GALNTL6: variants seen among roughly 807,000 people sequenced by gnomAD.
GALNTL6 encodes the protein polypeptide N-acetylgalactosaminyltransferase-like 6.
Under a neutral mutation model 73.7 loss-of-function variants are expected in GALNTL6, and 46 were observed. The observed-to-expected ratio is 0.62, with a 90% CI of 0.49 to 0.80. The LOEUF (loss-of-function observed/expected upper bound fraction) is 0.80. Ranked by LOEUF, GALNTL6 falls within the 30% of genes least tolerant of loss-of-function variation. The pLI, the probability that GALNTL6 is intolerant of heterozygous loss-of-function variation, is 0.00. For missense variants in GALNTL6, 604 were observed against 755.0 expected (o/e 0.80, Z 2.34); for synonymous variants, 259 against 263.7 (o/e 0.98, Z 0.17).
At chr4:172,877,532 T>C (rs1253964197) in intron 7 of GALNTL6, among the ~76,000 whole-genome samples, 2 of 152,050 alleles carry the variant, frequency 1.3e-5, no homozygotes, top group Non-Finnish European at 2.9e-5. Context: ...ATGGTTTTAG[T>C]ACACTTTACC....
intron 5 of GALNTL6, among the ~76,000 whole-genome samples, chr4:172,593,989 A>G (rs1737753990): frequency 6.6e-6 from 1 of 152,206 alleles, no homozygotes; most frequent in Non-Finnish European, 1.5e-5. Context: ...TATGCCACCA[A>G]ACAGTATATT....
chr4:172,228,604 C>T (rs1736948319), intron 2 of GALNTL6, among the ~76,000 whole-genome samples: 1 of 152,036 alleles, frequency 6.6e-6, no homozygotes, highest in South Asian at 2.1e-4. Flanking sequence ...AAAATTACCT[C>T]ACTGAAATTA....
chr4:171,817,102 C>T (rs562286843), intron 2 of GALNTL6, among the ~76,000 whole-genome samples: 3 of 152,098 alleles, frequency 2.0e-5, no homozygotes, highest in East Asian at 3.9e-4. Flanking sequence ...ACATTTACTA[C>T]TATACTTCTC....
At chr4:172,203,454 T>A (rs1040708057) in intron 2 of GALNTL6, among the ~76,000 whole-genome samples, 2 of 152,180 alleles carry the variant, frequency 1.3e-5, no homozygotes, top group Non-Finnish European at 2.9e-5. Context: ...TTTGAAAAAT[T>A]AAAATTAAAT....
intron 5 of GALNTL6, among the ~76,000 whole-genome samples, chr4:172,376,818 G>A (rs980849682): frequency 2.6e-4 from 39 of 152,124 alleles, no homozygotes; most frequent in African/African-American, 8.9e-4. Flanking sequence ...GAATGAAGCC[G>A]CAGACCCTCG....
chr4:171,903,926 T>G (rs1052091043), intron 2 of GALNTL6, among the ~76,000 whole-genome samples: 2 of 152,152 alleles, frequency 1.3e-5, no homozygotes, highest in African/African-American at 2.4e-5. Flanking sequence ...GACCTGCAGC[T>G]GAGGGTCCTC....
chr4:173,017,342 T>C (rs1752824107), intron 11 of GALNTL6, among the ~76,000 whole-genome samples: 1 of 152,234 alleles, frequency 6.6e-6, no homozygotes. Flanking sequence ...GAAGAAAATC[T>C]ACATTCTTCT....
chr4:172,406,758 T>A (rs960782976), intron 5 of GALNTL6, among the ~76,000 whole-genome samples: 36 of 152,060 alleles, frequency 2.4e-4, no homozygotes, highest in African/African-American at 8.7e-4. Flanking sequence ...CTTAAATTAT[T>A]GCTATAATAA....
chr4:172,239,413 T>C (rs1737344931), intron 3 of GALNTL6, among the ~76,000 whole-genome samples: 1 of 152,198 alleles, frequency 6.6e-6, no homozygotes, highest in Admixed American at 6.5e-5. Context: ...GAAGATTTTT[T>C]GTATTTCTGT....
At chr4:172,161,248 A>G (rs1233816209) in intron 2 of GALNTL6, among the ~76,000 whole-genome samples, 2 of 152,024 alleles carry the variant, frequency 1.3e-5, no homozygotes, top group Non-Finnish European at 2.9e-5. Context: ...ATTTTGCCAC[A>G]TTTGATTTAT....
chr4:172,267,377 C>T (rs1738484791), intron 3 of GALNTL6, among the ~76,000 whole-genome samples: 2 of 152,016 alleles, frequency 1.3e-5, no homozygotes, highest in African/African-American at 4.8e-5. Flanking sequence ...ACAAGACTGT[C>T]CAGAGTTTGT....
rs1731502369 is a variant in GALNTL6 at position 172,069,955 on chromosome 4, G to T, written c.139-159701G>T. Among the ~76,000 whole-genome samples, 2 of 107,968 alleles carry T rather than the reference G, an allele frequency of 1.9e-5. 1 individual carries two copies. Among genetic ancestry groups the T allele is most frequent in the Admixed American group, 2.0e-4 (2 of 10,084 alleles). 70.8% of individuals were successfully genotyped at this position (107,968 alleles called of 152,430 possible). The stretch of plus-strand genomic sequence containing the variant: ...CTTATGAAGAAAATCAGCTGGGTAA[G>T]AAGGTAATAGAAAAAGGGTGAACAG... On this transcript the variant is annotated intron_variant, in intron 2 of 12. Transcript: ENST00000506823.
chr4:171,934,708 A>C (rs1404819752), intron 2 of GALNTL6, among the ~76,000 whole-genome samples: 2 of 151,998 alleles, frequency 1.3e-5, no homozygotes, highest in Non-Finnish European at 2.9e-5. Context: ...GAGCCACTGC[A>C]CCCAGCCAAG....
intron 3 of GALNTL6, among the ~76,000 whole-genome samples, chr4:172,300,787 G>A (rs966484173): frequency 2.0e-5 from 3 of 152,012 alleles, no homozygotes; most frequent in African/African-American, 4.8e-5. Context: ...CTTTCTCTGT[G>A]GCTGCCCTTA....
chr4:172,336,684 A>G (rs1243450179), intron 4 of GALNTL6, among the ~76,000 whole-genome samples: 9 of 152,164 alleles, frequency 5.9e-5, no homozygotes, highest in Non-Finnish European at 1.3e-4. Flanking sequence ...GTCTTGGAAT[A>G]TGTTCTGCAT....
intron 7 of GALNTL6, among the ~76,000 whole-genome samples, chr4:172,835,968 A>C (rs1231874758): frequency 6.6e-6 from 1 of 152,192 alleles, no homozygotes; most frequent in Non-Finnish European, 1.5e-5. Flanking sequence ...CAGCCCGGCT[A>C]ATGAAGAGTG....
intron 12 of GALNTL6, among the ~76,000 whole-genome samples, chr4:173,026,408 C>A (rs745904455): frequency 1.3e-5 from 2 of 152,170 alleles, no homozygotes; most frequent in Non-Finnish European, 2.9e-5. Context: ...TCCCTTGATA[C>A]CTCTGGCCTG....
chr4:172,153,454 AT>A (rs1734158913), intron 2 of GALNTL6, among the ~76,000 whole-genome samples: 1 of 152,244 alleles, frequency 6.6e-6, no homozygotes, highest in East Asian at 1.9e-4. Context: ...TTTTTAAGAT[AT>A]TCAGTAAATA....
intron 11 of GALNTL6, among the ~76,000 whole-genome samples, chr4:173,017,110 C>A (rs1432881052): frequency 1.3e-5 from 2 of 152,160 alleles, no homozygotes; most frequent in Middle Eastern, 6.3e-3. Flanking sequence ...GAGGCCTCCC[C>A]AGCCATGCTG....
Sources: gnomAD v4.1 joint callset for allele counts (sites outside exome capture counted in the v4.1 genomes callset) on GRCh38, gnomAD v4.1.1 for gene constraint, MANE v1.5 for transcripts, NCBI Gene and HGNC (gene_info 2026-07-23, HGNC 2026-07-21) for gene names.